The following GGTA1 variants were observed in gnomAD, a reference collection of about 807,000 sequenced individuals.
The protein encoded by GGTA1 is glycoprotein alpha-galactosyltransferase 1 (inactive), also known as inactive N-acetyllactosaminide alpha-1,3-galactosyltransferase.
GGTA1 carries 5 observed loss-of-function variants against 2.6 expected under a neutral mutation model. That is an observed-to-expected ratio of 1.92 (90% CI 1.00 to 4.04). The LOEUF is 4.04. GGTA1 is among the 30% of genes most tolerant of loss of function. The pLI is 0.00. For synonymous variants in GGTA1, 17 were observed against 5.0 expected (o/e 3.38, Z -3.19); for missense variants, 50 against 16.7 (o/e 2.99, Z -3.47).
chr9:121,456,011 G>A (rs981711868), intron 5 of GGTA1, among the ~76,000 whole-genome samples, 170 bp from the exon 6 acceptor site: 100 of 152,238 alleles, frequency 6.6e-4, no homozygotes, highest in African/African-American at 2.3e-3. Context: ...AGATGGGGGC[G>A]GAGGGAGAAT....
chr9:121,469,012 C>T (rs1196964781), intron 1 of GGTA1, among the ~76,000 whole-genome samples: 1 of 152,186 alleles, frequency 6.6e-6, no homozygotes, highest in Non-Finnish European at 1.5e-5. Context: ...AGCTAGGCCC[C>T]ATCCACTTCC....
intron 1 of GGTA1, among the ~76,000 whole-genome samples, chr9:121,493,140 A>G (rs1403416272): frequency 3.2e-5 from 3 of 92,466 alleles, no homozygotes; most frequent in Non-Finnish European, 6.0e-5. Flanking sequence ...TCTCCAAAGA[A>G]AAAAAAAAAA....
chr9:121,461,574 G>A (rs2064961118), intron 3 of GGTA1, among the ~76,000 whole-genome samples: 1 of 152,178 alleles, frequency 6.6e-6, no homozygotes, highest in Non-Finnish European at 1.5e-5. Context: ...GAAGGGAAAA[G>A]GGGGCTGGAG....
At chr9:121,454,240 G>A (rs984652549), downstream of GGTA1, among the ~76,000 whole-genome samples, 1 of 152,156 alleles carries the variant, frequency 6.6e-6, no homozygotes, top group African/African-American at 2.4e-5. Context: ...AAGCTACTGT[G>A]CACTCTGCAC....
chr9:121,461,173 A>G, intron 4 of GGTA1, 79 bp downstream of exon 4: 1 of 410,334 alleles, frequency 2.4e-6, no homozygotes, highest in Non-Finnish European at 4.8e-6. Context: ...GAAGGTCATG[A>G]ACATGAAACC....
intron 1 of GGTA1, among the ~76,000 whole-genome samples, chr9:121,492,626 A>G (rs1440222952): frequency 1.3e-5 from 2 of 152,048 alleles, no homozygotes; most frequent in Non-Finnish European, 2.9e-5. Context: ...GGCATGGGCC[A>G]CTACGCCTGG....
intron 1 of GGTA1, among the ~76,000 whole-genome samples, chr9:121,477,556 T>C (rs1185703503): frequency 6.6e-6 from 1 of 151,126 alleles, no homozygotes; most frequent in African/African-American, 2.4e-5. Flanking sequence ...ATACCTAACA[T>C]TGCATTTGCA....
At chr9:121,481,680 CAAAAA>C (rs34813039) in intron 1 of GGTA1, among the ~76,000 whole-genome samples, 3 of 64,210 alleles carry the variant, frequency 4.7e-5, no homozygotes, top group African/African-American at 6.6e-5. Flanking sequence ...GACTCTGTCT[CAAAAA>C]AAAAAAAAAA....
chr9:121,499,271 A>G (rs1829056198), intron 1 of GGTA1, among the ~76,000 whole-genome samples: 2 of 151,772 alleles, frequency 1.3e-5, no homozygotes, highest in Non-Finnish European at 2.9e-5. Context: ...CCTGCCCCAC[A>G]GGCAAGGACA....
rs562212767 is a variant in GGTA1, at chr9:121,468,041, A to G, written c.-9-110T>C. ...CCCGTTCTTTTTTAAAATTACTACT[A>G]TACTTTAAGTTCTGGGATACATGTG... is the stretch of plus-strand genomic sequence containing the variant. On this transcript the variant is annotated intron_variant, in intron 1 of 5. Coordinates refer to ENST00000481799, the MANE Select transcript of GGTA1 (RefSeq NM_001382585.1). The G allele has an allele frequency of 3.4e-4, 135 of 394,168 alleles. 3 individuals carry two copies. The highest frequency in any genetic ancestry group is 2.5e-3 in the South Asian group (129 of 51,790). 24.4% of individuals were successfully genotyped at this position (394,168 alleles called of 1,614,324 possible).
downstream of GGTA1, among the ~76,000 whole-genome samples, chr9:121,451,414 T>C (rs2064877743): frequency 1.3e-5 from 2 of 152,214 alleles, no homozygotes. Context: ...CTCGATCTCC[T>C]GACCTCGTGA....
At position 121,466,473 on chromosome 9, in the gene GGTA1, T is replaced by C. The variant is rs528624966; in HGVS notation, c.80+1370A>G. On this transcript the variant is annotated intron_variant, in intron 2 of 5. Transcript: ENST00000481799. Reference sequence around the variant, plus strand: ...TGGTCACACTCTAGTTTGTCATGTTTTTCTTAAAATGAGTTGTGCAGAATG... The same window carrying C: ...TGGTCACACTCTAGTTTGTCATGTTCTTCTTAAAATGAGTTGTGCAGAATG... Among the ~76,000 whole-genome samples the C allele has an allele frequency of 7.9e-4, 121 of 152,314 alleles. 1 individual carries two copies. The highest frequency in any genetic ancestry group is 2.8e-3 in the African/African-American group (118 of 41,560).
chr9:121,483,157 A>G (rs2105288), intron 1 of GGTA1, among the ~76,000 whole-genome samples: 41,302 of 152,110 alleles, frequency 0.27, 6,129 homozygotes, highest in Middle Eastern at 0.37. Context: ...TCAATGGATC[A>G]TCACAATCAC....
chr9:121,464,735 AT>A (rs2064989908), intron 2 of GGTA1, among the ~76,000 whole-genome samples: 1 of 152,220 alleles, frequency 6.6e-6, no homozygotes, highest in Non-Finnish European at 1.5e-5. Flanking sequence ...TATCATGAAT[AT>A]TTCATCATAA....
At chr9:121,492,737 G>C (rs756407402) in intron 1 of GGTA1, among the ~76,000 whole-genome samples, 8 of 151,466 alleles carry the variant, frequency 5.3e-5, no homozygotes, top group Non-Finnish European at 1.2e-4. Context: ...GCCTCCCAAA[G>C]TGCTGGGATT....
chr9:121,481,416 G>T (rs1263033561), intron 1 of GGTA1, among the ~76,000 whole-genome samples: 2 of 152,118 alleles, frequency 1.3e-5, no homozygotes, highest in Non-Finnish European at 2.9e-5. Flanking sequence ...GCAGGGGGCG[G>T]TGGCTCATGC....
intron 1 of GGTA1, among the ~76,000 whole-genome samples, chr9:121,489,126 C>T (rs1828821200): frequency 6.6e-6 from 1 of 152,134 alleles, no homozygotes; most frequent in South Asian, 2.1e-4. Context: ...ATTATGTAAA[C>T]TTACAATTAA....
chr9:121,461,451 C>T (rs2064960380), intron 3 of GGTA1, 134 bp from the exon 4 acceptor site: 11 of 372,148 alleles, frequency 3.0e-5, no homozygotes, highest in Middle Eastern at 9.5e-4. Context: ...ATAAAACAGA[C>T]AGAAATGAGA....
chr9:121,471,541 C>A (rs145131875), intron 1 of GGTA1, among the ~76,000 whole-genome samples: 2 of 152,188 alleles, frequency 1.3e-5, no homozygotes, highest in Non-Finnish European at 2.9e-5. Context: ...TCTTACAAAC[C>A]CTTTATTATG....
Sources: gnomAD v4.1 joint callset for allele counts (sites outside exome capture counted in the v4.1 genomes callset) on GRCh38, gnomAD v4.1.1 for gene constraint, MANE v1.5 for transcripts, NCBI Gene and HGNC (gene_info 2026-07-23, HGNC 2026-07-21) for gene names.